Variants in E2F7 observed in about 807,000 individuals in gnomAD.
E2F7 encodes the protein E2F transcription factor 7, also known as transcription factor E2F7.
E2F7 carries 35 observed loss-of-function variants against 81.1 expected under a neutral mutation model. The observed-to-expected ratio is 0.43, with a 90% CI of 0.33 to 0.57. The LOEUF (loss-of-function observed/expected upper bound fraction) is 0.57, where lower values mean the gene tolerates loss of function less well. Among genes scored for constraint, E2F7 ranks in the 20% least tolerant of loss-of-function variants. The pLI, the probability that E2F7 is intolerant of heterozygous loss-of-function variation, is 0.04. For synonymous variants in E2F7, 416 were observed against 416.2 expected (o/e 1.00, Z 0.01); for missense variants, 961 against 1,093.7 (o/e 0.88, Z 1.71).
chr12:77,032,588 C>T (rs1954815786), intron 9 of E2F7, among the ~76,000 whole-genome samples: 1 of 152,126 alleles, frequency 6.6e-6, no homozygotes, highest in Non-Finnish European at 1.5e-5. Flanking sequence ...GTTACATAAC[C>T]TTTTTGCACT....
At chr12:77,047,911 C>A (rs1954956415) in intron 4 of E2F7, among the ~76,000 whole-genome samples, 3 of 152,174 alleles carry the variant, frequency 2.0e-5, no homozygotes, top group African/African-American at 7.2e-5. Context: ...ATTCTATAAA[C>A]CTTCCCATTA....
Position 77,044,681 on chromosome 12 carries a change from A to G in E2F7, c.944T>C (p.Leu315Pro). Reference protein sequence around the residue: ...IVTLDVAAKILIEESQDAPDH... With the variant: ...IVTLDVAAKIPIEESQDAPDH... ...TGGGGCATCTTGGCTTTCTTCTATC[A>G]GTATTTTGGCAGCCACATCCAGAGT... The change falls in exon 6 of 13, where the codon CTG becomes CCG. Residue 315 changes from leucine to proline, a missense_variant. This residue lies in a region of E2F7 where 301 missense variants were observed against 405.0 expected (regional missense o/e 0.74). Coordinates refer to ENST00000322886, the MANE Select transcript of E2F7 (RefSeq NM_203394.3). 6.2e-7 allele frequency: 1 copy of G among 1,614,162 alleles called. No homozygotes were observed. The highest frequency in any genetic ancestry group is 8.5e-7 in the Non-Finnish European group (1 of 1,180,020).
chr12:77,058,696 C>T (rs1003981376), intron 2 of E2F7, among the ~76,000 whole-genome samples: 1 of 152,210 alleles, frequency 6.6e-6, no homozygotes, highest in African/African-American at 2.4e-5. Context: ...CATAAAAATA[C>T]CAATCTCAAG....
intron 3 of E2F7, among the ~76,000 whole-genome samples, chr12:77,051,894 C>G (rs1420980183): frequency 1.3e-5 from 2 of 152,086 alleles, no homozygotes; most frequent in Non-Finnish European, 2.9e-5. Context: ...GAAGATGTCA[C>G]TATTCATACA....
At chr12:77,047,892 G>C (rs1954956204) in intron 4 of E2F7, among the ~76,000 whole-genome samples, 1 of 152,134 alleles carries the variant, frequency 6.6e-6, no homozygotes, top group Non-Finnish European at 1.5e-5. Context: ...ATCTTGTTTA[G>C]AGCATAGCAT....
At chr12:77,057,799 T>C (rs781388303) in intron 2 of E2F7, among the ~76,000 whole-genome samples, 2 of 152,200 alleles carry the variant, frequency 1.3e-5, no homozygotes, top group East Asian at 3.8e-4. Context: ...TTCTGCTCTT[T>C]CTGTAGTATT....
chr12:77,040,718 G>C (rs1954887328), intron 7 of E2F7, among the ~76,000 whole-genome samples: 2 of 152,142 alleles, frequency 1.3e-5, no homozygotes, highest in African/African-American at 2.4e-5. Flanking sequence ...AATTACAAAG[G>C]GGGCAGGAGG....
rs554339824 is a variant in E2F7, at chr12:77,032,699, C to T, written c.1382+351G>A. Among the ~76,000 whole-genome samples, 25 of 152,270 alleles carry T rather than the reference C, an allele frequency of 1.6e-4. 1 individual carries two copies. In the South Asian group the frequency reaches 3.9e-3, roughly 24 times the overall value. On this transcript the variant is annotated intron_variant, in intron 9 of 12. Coordinates refer to ENST00000322886, the MANE Select transcript of E2F7 (RefSeq NM_203394.3). The stretch of plus-strand genomic sequence containing the variant: ...TCAATATACACTAAGGCTCCTGGAA[C>T]GGTACCTGGTAGTTAGTGGCAAAAC...
At chr12:77,041,416 C>T (rs189476938) in intron 7 of E2F7, among the ~76,000 whole-genome samples, 214 of 152,250 alleles carry the variant, frequency 1.4e-3, no homozygotes, top group African/African-American at 5.0e-3. Flanking sequence ...GTCTTGAACT[C>T]CTGACCTCAG....
chr12:77,030,376 A>T, intron 9 of E2F7, 44 bp from the exon 10 acceptor site: 1 of 1,507,706 alleles, frequency 6.6e-7, no homozygotes, highest in Non-Finnish European at 8.9e-7. Flanking sequence ...CATTCTACCA[A>T]CTCCTGACCC....
At position 77,034,034 on chromosome 12, in the gene E2F7, G is replaced by C. The variant is rs1565898614; in HGVS notation, c.1132C>G (p.Leu378Val). Residue 378 changes from leucine to valine, a missense_variant, in exon 8 of 13, where the codon CTG becomes GTG. This residue lies in a region of E2F7 where 301 missense variants were observed against 405.0 expected (regional missense o/e 0.74). Transcript: ENST00000322886. ...AAGACAGATGCAGAAACATCCACCAGTTCTTCATCTACATAAACGAGAGAA... is the reference window on the plus strand; with the variant it reads ...AAGACAGATGCAGAAACATCCACCACTTCTTCATCTACATAAACGAGAGAA... ...PVDFSSSDEELVDVSASVLPE... is the reference protein window; with the variant it reads ...PVDFSSSDEEVVDVSASVLPE... 1 of 1,611,586 alleles carries C rather than the reference G, an allele frequency of 6.2e-7. No homozygotes were observed. The highest frequency in any genetic ancestry group is 8.5e-7 in the Non-Finnish European group (1 of 1,179,090).
chr12:77,029,949 G>A lies in E2F7; in HGVS notation c.1766C>T (p.Ala589Val). Residue 589 changes from alanine to valine, a missense_variant, in exon 10 of 13, where the codon GCA becomes GTA. By Grantham distance (64) the Ala-to-Val change is moderately conservative. Around this residue, in one of 3 missense-constraint regions of E2F7, gnomAD observed 587 missense variants for 620.3 expected, o/e 0.95. Coordinates refer to ENST00000322886, the MANE Select transcript of E2F7 (RefSeq NM_203394.3). Reference protein sequence around the residue: ...EAPATVELSSAPSAQKRLCEE... With the variant: ...EAPATVELSSVPSAQKRLCEE... ...ACAGAGGCGCTTCTGAGCTGAGGGTGCAGATGACAGCTCTACTGTGGCTGG... is the reference window on the plus strand; with the variant it reads ...ACAGAGGCGCTTCTGAGCTGAGGGTACAGATGACAGCTCTACTGTGGCTGG... 6.2e-7 allele frequency: 1 copy of A among 1,614,222 alleles called. No homozygotes were observed. The highest frequency in any genetic ancestry group is 1.1e-5 in the South Asian group (1 of 91,088).
At position 77,043,102 on chromosome 12, in the gene E2F7, G is replaced by A; in HGVS notation, c.1086C>T (p.Ala362=). Residue 362 remains alanine, a synonymous_variant, in exon 7 of 13, where the codon GCC becomes GCT. Transcript: ENST00000322886. The stretch of plus-strand genomic sequence containing the variant: ...AGTCCACAGGCCCGATCCACTTGAA[G>A]GCTGGTTTACGACCTCGCTCTTCTG... ...HVTEERGRKP[A]FKWIGPVDFS... 1 of 1,614,160 alleles carries A rather than the reference G, an allele frequency of 6.2e-7. No homozygotes were observed. Among genetic ancestry groups the A allele is most frequent in the Non-Finnish European group, 8.5e-7 (1 of 1,180,012 alleles).
chr12:77,024,062 T>C lies in E2F7; in HGVS notation c.2689A>G (p.Ser897Gly), dbSNP rs375426403. The C allele has an allele frequency of 1.9e-6, 3 of 1,613,888 alleles. No homozygotes were observed. Among genetic ancestry groups the C allele is most frequent in the East Asian group, 4.5e-5 (2 of 44,872 alleles). ...RRERNQSRNT[S>G]SAQRRLEIPS... The stretch of plus-strand genomic sequence containing the variant: ...ATTTCTAGTCTCCTCTGGGCCGAGC[T>C]GGTGTTTCGTGACTGGTTCCTTTCT... The change falls in exon 13 of 13, where the codon AGC (serine) becomes GGC (glycine). Residue 897 changes from serine (S) to glycine (G), a missense_variant. Physicochemically the swap from Ser to Gly is moderately conservative, Grantham distance 56 (BLOSUM62 0). Around this residue, in one of 3 missense-constraint regions of E2F7, gnomAD observed 587 missense variants for 620.3 expected, o/e 0.95. Coordinates refer to ENST00000322886, the MANE Select transcript of E2F7 (RefSeq NM_203394.3).
chr12:77,049,084 TC>T (rs112787810), intron 4 of E2F7, among the ~76,000 whole-genome samples: 5 of 152,342 alleles, frequency 3.3e-5, no homozygotes, highest in African/African-American at 1.2e-4. Flanking sequence ...CAGTCAGCAG[TC>T]CCTTGCCTAA....
At chr12:77,036,745 T>A (rs1445237798) in intron 7 of E2F7, among the ~76,000 whole-genome samples, 2 of 106,980 alleles carry the variant, frequency 1.9e-5, no homozygotes, top group Non-Finnish European at 4.2e-5. Context: ...GAATTCTCCA[T>A]TTTTTTTTTT....
intron 7 of E2F7, 118 bp downstream of exon 7, chr12:77,042,947 C>G (rs928781849): frequency 2.0e-6 from 3 of 1,492,006 alleles, no homozygotes; most frequent in Non-Finnish European, 2.7e-6. Context: ...AGTCACTAGT[C>G]TATTTTGTAT....
chr12:77,042,171 G>A (rs901205885), intron 7 of E2F7, among the ~76,000 whole-genome samples: 1 of 152,242 alleles, frequency 6.6e-6, no homozygotes, highest in African/African-American at 2.4e-5. Context: ...GGTAGGGACT[G>A]TGTTACCCAC....
intron 8 of E2F7, 150 bp downstream of exon 8, chr12:77,033,707 C>T: frequency 4.4e-6 from 3 of 688,580 alleles, no homozygotes; most frequent in South Asian, 5.6e-5. Context: ...AATTGTTTCA[C>T]TTCAGCTAAG....
Sources: gnomAD v4.1 joint callset for allele counts (sites outside exome capture counted in the v4.1 genomes callset) on GRCh38, gnomAD v4.1.1 for gene constraint, gnomAD v4.1.1 regional missense constraint, MANE v1.5 for transcripts, NCBI Gene and HGNC (gene_info 2026-07-23, HGNC 2026-07-21) for gene names.